The following GLRA3 variants were observed in gnomAD, a reference collection of about 807,000 sequenced individuals.
GLRA3 encodes the protein glycine receptor subunit alpha-3.
GLRA3 carries 44 observed loss-of-function variants against 60.4 expected under a neutral mutation model. The ratio of observed to expected loss-of-function variants is 0.73; its 90% CI spans 0.57 to 0.94. The LOEUF (loss-of-function observed/expected upper bound fraction) is 0.94, where lower values mean the gene tolerates loss of function less well. Ranked by LOEUF, GLRA3 falls within the 40% of genes least tolerant of loss-of-function variation. The pLI is 0.00. For synonymous variants in GLRA3, 223 were observed against 192.9 expected (o/e 1.16, Z -1.29); for missense variants, 508 against 564.6 (o/e 0.90, Z 1.02).
intron 5 of GLRA3, among the ~76,000 whole-genome samples, chr4:174,683,202 A>G (rs1029901231): frequency 2.6e-5 from 4 of 152,324 alleles, no homozygotes; most frequent in Non-Finnish European, 4.4e-5. Flanking sequence ...TTGAAGGGGC[A>G]TGCATATACA....
intron 7 of GLRA3, among the ~76,000 whole-genome samples, chr4:174,665,346 T>C (rs1176946996): frequency 1.3e-5 from 2 of 151,454 alleles, no homozygotes; most frequent in African/African-American, 4.9e-5. Context: ...TCAGGGAAAC[T>C]ATCTTCAAAT....
At position 174,766,842 on chromosome 4, in the gene GLRA3, A is replaced by T. The variant is rs187796672; in HGVS notation, c.267+121T>A. 1.0e-3 allele frequency: 591 copies of T among 572,138 alleles called. 6 individuals are homozygous for T. Among genetic ancestry groups the T allele is most frequent in the African/African-American group, 0.01 (531 of 52,742 alleles). The allele number at this position is 572,138 out of a possible 1,614,324, so 35.4% of individuals were successfully genotyped here. A position where few individuals can be genotyped will look rare whatever the true frequency, so the allele number is the denominator to read the frequency against. ...CAGGTGACTGTAATTTAATTATACT[A>T]TTAATTTTACATTTTAAAATCTTGT... On this transcript the variant is annotated intron_variant, in intron 3 of 9. Transcript: ENST00000274093.
In GLRA3 at chr4:174,736,331, C is replaced by T. The variant is rs564594233; in HGVS notation, c.268-7633G>A. Among the ~76,000 whole-genome samples the T allele has an allele frequency of 5.3e-5, 8 of 151,910 alleles. No individual in the cohort carries two copies. The South Asian group carries it at 6.3e-4, about 12-fold the overall frequency. On this transcript the variant is annotated intron_variant, in intron 3 of 9. Transcript: ENST00000274093. ...ATTTAAAAAATCGTGATCAAATATA[C>T]GTAACATTTATCATCAGAGACATTT... is the stretch of plus-strand genomic sequence containing the variant.
chr4:174,729,290 T>C (rs1257659703), intron 3 of GLRA3, among the ~76,000 whole-genome samples: 2 of 152,258 alleles, frequency 1.3e-5, no homozygotes, highest in Non-Finnish European at 2.9e-5. Flanking sequence ...ACATCCAGAA[T>C]ATATTTAGTG....
intron 6 of GLRA3, among the ~76,000 whole-genome samples, chr4:174,682,040 T>C (rs1453245234): frequency 6.6e-6 from 1 of 152,130 alleles, no homozygotes; most frequent in Non-Finnish European, 1.5e-5. Flanking sequence ...CCACGATGAA[T>C]CATAGTTACT....
At chr4:174,826,685 T>C (rs971544439) in intron 1 of GLRA3, among the ~76,000 whole-genome samples, 3 of 152,200 alleles carry the variant, frequency 2.0e-5, no homozygotes, top group African/African-American at 7.2e-5. Flanking sequence ...TGTTGTTGCC[T>C]CCAAATTGCC....
At position 174,649,844 on chromosome 4, in the gene GLRA3, A is replaced by T. The variant is rs533678314; in HGVS notation, c.1117-5780T>A. 4.5e-4 allele frequency among the ~76,000 whole-genome samples: 69 copies of T among 152,244 alleles called. 1 individual carries two copies. The South Asian group carries it at 0.014, about 31-fold the overall frequency. ...GTTTTTAGTCTCATTGGTAAAAAAA[A>T]AAGTCAAACACAGCATGTCTTCATG... is the stretch of plus-strand genomic sequence containing the variant. On this transcript the variant is annotated intron_variant, in intron 9 of 9. Coordinates refer to ENST00000274093, the MANE Select transcript of GLRA3 (RefSeq NM_006529.4).
chr4:174,698,813 G>A (rs1391142668), intron 5 of GLRA3, among the ~76,000 whole-genome samples: 2 of 152,084 alleles, frequency 1.3e-5, no homozygotes, highest in East Asian at 3.9e-4. Flanking sequence ...ACTTGAGAGA[G>A]GTAATTAGCA....
At chr4:174,676,785 A>C (rs1400677419) in intron 7 of GLRA3, among the ~76,000 whole-genome samples, 1 of 152,160 alleles carries the variant, frequency 6.6e-6, no homozygotes, top group Non-Finnish European at 1.5e-5. Context: ...TATATTTCTA[A>C]ATATTTTAAA....
intron 7 of GLRA3, among the ~76,000 whole-genome samples, chr4:174,661,112 T>C (rs1303374522): frequency 6.6e-6 from 1 of 152,082 alleles, no homozygotes; most frequent in Non-Finnish European, 1.5e-5. Context: ...TGTATTCACA[T>C]CTCCCTAAGT....
chr4:174,823,098 T>C (rs1578943873), intron 1 of GLRA3, among the ~76,000 whole-genome samples: 1 of 152,190 alleles, frequency 6.6e-6, no homozygotes, highest in Non-Finnish European at 1.5e-5. Flanking sequence ...TGTTTGTTGC[T>C]AAACAGTTGG....
At position 174,737,512 on chromosome 4, in the gene GLRA3, G is replaced by T. The variant is rs554471015; in HGVS notation, c.268-8814C>A. ...CTGAATGCTAAGGCTTTTTTTTGTG[G>T]TTTTTTGTTGTTGTTGTTGTTGAGA... On this transcript the variant is annotated intron_variant, in intron 3 of 9. Transcript: ENST00000274093. Among the ~76,000 whole-genome samples, 46 of 132,444 alleles carry T rather than the reference G, an allele frequency of 3.5e-4. No homozygotes were observed. In the South Asian group the frequency reaches 4.1e-3, roughly 12 times the overall value. The allele number at this position is 132,444 out of a possible 152,430, so 86.9% of individuals were successfully genotyped here.
chr4:174,746,873 G>C (rs1737273396), intron 3 of GLRA3, among the ~76,000 whole-genome samples: 1 of 152,054 alleles, frequency 6.6e-6, no homozygotes, highest in Non-Finnish European at 1.5e-5. Context: ...AAAAGTAATT[G>C]TCATTACTTT....
intron 9 of GLRA3, among the ~76,000 whole-genome samples, 163 bp from the exon 10 acceptor site, chr4:174,644,227 A>T (rs1228171277): frequency 6.6e-6 from 1 of 152,168 alleles, no homozygotes; most frequent in Non-Finnish European, 1.5e-5. Context: ...TCCCTATTGA[A>T]GTTTTATTAA....
intron 2 of GLRA3, among the ~76,000 whole-genome samples, chr4:174,784,337 G>A (rs1739030001): frequency 7.3e-6 from 1 of 137,462 alleles, no homozygotes; most frequent in Non-Finnish European, 1.6e-5. Flanking sequence ...GGAGGGGGGA[G>A]GGATAGCATT....
chr4:174,663,356 G>A (rs895626142), intron 7 of GLRA3, among the ~76,000 whole-genome samples: 2 of 152,066 alleles, frequency 1.3e-5, no homozygotes, highest in African/African-American at 4.8e-5. Flanking sequence ...CAAGTAATAT[G>A]GCTTTCAAAG....
intron 1 of GLRA3, among the ~76,000 whole-genome samples, chr4:174,812,517 G>C (rs956107172): frequency 2.6e-5 from 4 of 151,996 alleles, no homozygotes; most frequent in Non-Finnish European, 4.4e-5. Flanking sequence ...CCTCTGCCTG[G>C]AGAGAGAAAA....
chr4:174,697,572 G>A (rs1166200777), intron 5 of GLRA3, among the ~76,000 whole-genome samples: 1 of 152,084 alleles, frequency 6.6e-6, no homozygotes, highest in African/African-American at 2.4e-5. Flanking sequence ...TAAATTATTG[G>A]TCTGGTAAAT....
chr4:174,801,674 T>A (rs1394748294), intron 1 of GLRA3, among the ~76,000 whole-genome samples: 1 of 152,108 alleles, frequency 6.6e-6, no homozygotes, highest in Non-Finnish European at 1.5e-5. Context: ...CTTTGACTGG[T>A]CTATTCCAAC....
Sources: allele counts gnomAD v4.1 joint callset (sites outside exome capture counted in the v4.1 genomes callset), GRCh38; gene constraint gnomAD v4.1.1; transcripts MANE v1.5; gene names NCBI Gene and HGNC (gene_info 2026-07-23, HGNC 2026-07-21).